NDC1: variants seen among roughly 807,000 people sequenced by gnomAD.
NDC1 encodes the protein nucleoporin NDC1.
Under a neutral mutation model 89.8 loss-of-function variants are expected in NDC1, and 24 were observed. That is an observed-to-expected ratio of 0.27 (90% CI 0.19 to 0.38). The LOEUF (loss-of-function observed/expected upper bound fraction) is 0.38, where lower values mean the gene tolerates loss of function less well. Among genes scored for constraint, NDC1 ranks in the 10% least tolerant of loss-of-function variants. The probability of loss-of-function intolerance (pLI) is 1.00; values close to 1 mark genes in which losing one functional copy is unlikely to be tolerated. For synonymous variants in NDC1, 296 were observed against 284.8 expected (o/e 1.04, Z -0.39); for missense variants, 728 against 797.6 (o/e 0.91, Z 1.05).
intron 16 of NDC1, among the ~76,000 whole-genome samples, chr1:53,775,376 C>G (rs1053768544): frequency 3.3e-5 from 5 of 152,074 alleles, no homozygotes; most frequent in African/African-American, 1.2e-4. Context: ...CCTGCCTCAA[C>G]CTTCCAAGTA....
rs527699193 is a variant in NDC1, at chr1:53,830,229, G to A, written c.281-2056C>T. 7.2e-5 allele frequency among the ~76,000 whole-genome samples: 11 copies of A among 151,966 alleles called. 1 individual carries two copies. The highest frequency in any genetic ancestry group is 3.4e-3 in the Middle Eastern group (1 of 292). Reference sequence around the variant, plus strand: ...AGCACTTTGGGAGGTCAAGGCAAGCGGATCACTTGAGGTCGGGAGTTCGAG... The same window carrying A: ...AGCACTTTGGGAGGTCAAGGCAAGCAGATCACTTGAGGTCGGGAGTTCGAG... On this transcript the variant is annotated intron_variant, in intron 3 of 17. Coordinates refer to ENST00000371429, the MANE Select transcript of NDC1 (RefSeq NM_018087.5).
intron 5 of NDC1, among the ~76,000 whole-genome samples, chr1:53,825,161 A>C (rs1648803382): frequency 6.6e-6 from 1 of 151,694 alleles, no homozygotes; most frequent in Admixed American, 6.7e-5. Context: ...TGACAGAGTG[A>C]GACTCTGTCT....
chr1:53,807,437 A>C (rs1362615589), intron 8 of NDC1, among the ~76,000 whole-genome samples: 1 of 152,056 alleles, frequency 6.6e-6, no homozygotes, highest in African/African-American at 2.4e-5. Context: ...CATTCAGTTT[A>C]ATCTCCAAAA....
chr1:53,823,210 C>T (rs1312476741), intron 5 of NDC1, among the ~76,000 whole-genome samples: 2 of 152,170 alleles, frequency 1.3e-5, no homozygotes, highest in African/African-American at 2.4e-5. Context: ...CAGCAAAACA[C>T]CTGCTCCAAC....
At chr1:53,793,187 TCCTC>T in intron 14 of NDC1, 38 bp downstream of exon 14, 1 of 1,460,476 alleles carries the variant, frequency 6.8e-7, no homozygotes, top group Non-Finnish European at 9.6e-7. Flanking sequence ...ATATTTCATT[TCCTC>T]CCTCCCCATT....
At chr1:53,778,852 T>C (rs928548470) in intron 16 of NDC1, among the ~76,000 whole-genome samples, 5 of 151,692 alleles carry the variant, frequency 3.3e-5, no homozygotes, top group African/African-American at 1.2e-4. Flanking sequence ...GTATAAGAAT[T>C]ATCATGTGGC....
At chr1:53,818,252 C>A (rs1235464749) in intron 6 of NDC1, among the ~76,000 whole-genome samples, 1 of 151,988 alleles carries the variant, frequency 6.6e-6, no homozygotes, top group African/African-American at 2.4e-5. Context: ...GCCTGGCCAA[C>A]ATGGTGAAAC....
intron 17 of NDC1, among the ~76,000 whole-genome samples, chr1:53,770,219 G>A (rs1267223386): frequency 6.6e-6 from 1 of 151,478 alleles, no homozygotes; most frequent in Non-Finnish European, 1.5e-5. Context: ...TTGAGGCAGG[G>A]TCTCGCTAAA....
At chr1:53,778,282 C>T (rs907238392) in intron 16 of NDC1, among the ~76,000 whole-genome samples, 1 of 151,882 alleles carries the variant, frequency 6.6e-6, no homozygotes, top group African/African-American at 2.4e-5. Flanking sequence ...CACACACACA[C>T]ACACACACAC....
At chr1:53,769,457 ATTTAC>A (rs1374460092) in intron 17 of NDC1, among the ~76,000 whole-genome samples, 2 of 152,240 alleles carry the variant, frequency 1.3e-5, no homozygotes, top group Non-Finnish European at 2.9e-5. Flanking sequence ...AGACATGTTA[ATTTAC>A]TTCACTAAAC....
chr1:53,832,929 T>C (rs148490507), intron 2 of NDC1, among the ~76,000 whole-genome samples: 1,975 of 152,160 alleles, frequency 0.013, 55 homozygotes, highest in African/African-American at 0.046. Context: ...GGAAGATCAC[T>C]TGAGCCTGGG....
In NDC1 at chr1:53,793,245, A is replaced by G; in HGVS notation, c.1619T>C (p.Met540Thr). The change falls in exon 14 of 18, where the codon ATG becomes ACG. Residue 540 changes from methionine (M) to threonine (T), a missense_variant. Transcript: ENST00000371429. ...KNFLSKRVLI[M>T]YFFSKHPEAS... ...TATTCTTACCTTACTGAAAAAATAC[A>G]TTATCAGCACCCGTTTTGACAAGAA... The G allele has an allele frequency of 2.5e-6, 4 of 1,611,688 alleles. No homozygotes were observed. The highest frequency in any genetic ancestry group is 3.4e-6 in the Non-Finnish European group (4 of 1,177,770).
intron 10 of NDC1, among the ~76,000 whole-genome samples, chr1:53,801,982 A>T (rs111576488): frequency 1.3e-5 from 2 of 152,058 alleles, no homozygotes; most frequent in African/African-American, 4.8e-5. Context: ...ACCTCAGATG[A>T]TCCTCCCGCC....
In NDC1 at chr1:53,825,848, G is replaced by A. The variant is rs1430888690; in HGVS notation, c.544C>T (p.Leu182Phe). The change falls in exon 5 of 18, where the codon CTC becomes TTC. Residue 182 changes from leucine to phenylalanine, a missense_variant. Coordinates refer to ENST00000371429, the MANE Select transcript of NDC1 (RefSeq NM_018087.5). ...TTCATGTTGTTAACAAAATACAGGA[G>A]GCTATAGCTATAGCCCATAAATGCT... ...TGAFMGYSYSLLYFVNNMNYL... is the reference protein window; with the variant it reads ...TGAFMGYSYSFLYFVNNMNYL... 1 of 1,609,742 alleles carries A rather than the reference G, an allele frequency of 6.2e-7. No individual in the cohort carries two copies. Among genetic ancestry groups the A allele is most frequent in the Admixed American group, 1.7e-5 (1 of 59,034 alleles).
chr1:53,772,312 AAAACAGGT>A lies in NDC1; in HGVS notation c.1961+9_1961+16del, dbSNP rs1473207835. 6.2e-7 allele frequency: 1 copy of A among 1,612,426 alleles called. No individual in the cohort carries two copies. The highest frequency in any genetic ancestry group is 8.5e-7 in the Non-Finnish European group (1 of 1,178,774). On this transcript the variant is annotated intron_variant, in intron 17 of 17. Transcript: ENST00000371429. ...CCCAGAATAGGTATCATCATGGATC[AAAACAGGT>A]AAACTTACTTCAGATGTTCACCAAA...
chr1:53,787,028 G>C (rs538050329), intron 16 of NDC1, 130 bp downstream of exon 16: 1 of 591,258 alleles, frequency 1.7e-6, no homozygotes, highest in Non-Finnish European at 3.0e-6. Flanking sequence ...TCCTGAGGGT[G>C]AAAAAGTATC....
intron 6 of NDC1, among the ~76,000 whole-genome samples, chr1:53,811,760 G>GT (rs1361044562): frequency 3.3e-5 from 5 of 151,824 alleles, no homozygotes; most frequent in African/African-American, 1.2e-4. Flanking sequence ...TACAGCTGAG[G>GT]TTTTCCGGAA....
At chr1:53,777,114 A>G (rs1019826755) in intron 16 of NDC1, among the ~76,000 whole-genome samples, 24 of 152,040 alleles carry the variant, frequency 1.6e-4, no homozygotes, top group African/African-American at 5.8e-4. Flanking sequence ...TGTAGTCTCA[A>G]ACTCAAGCAA....
intron 17 of NDC1, chr1:53,771,009 C>T (rs1393374732): frequency 6.6e-6 from 1 of 152,344 alleles, no homozygotes; most frequent in East Asian, 1.9e-4. Flanking sequence ...TGCCTTTTTT[C>T]CCCCAGGGGA....
Sources: allele counts gnomAD v4.1 joint callset (sites outside exome capture counted in the v4.1 genomes callset), GRCh38; gene constraint gnomAD v4.1.1; transcripts MANE v1.5; gene names NCBI Gene and HGNC (gene_info 2026-07-23, HGNC 2026-07-21).